TPST1: variants seen among roughly 807,000 people sequenced by gnomAD.
TPST1 encodes tyrosylprotein sulfotransferase 1.
Under a neutral mutation model 34.8 loss-of-function variants are expected in TPST1, and 20 were observed. The observed-to-expected ratio is 0.57, with a 90% CI of 0.40 to 0.84. The LOEUF (loss-of-function observed/expected upper bound fraction) is 0.84, where lower values mean the gene tolerates loss of function less well. Ranked by LOEUF, TPST1 falls within the 40% of genes least tolerant of loss-of-function variation. The probability of loss-of-function intolerance (pLI) is 0.00; values close to 1 mark genes in which losing one functional copy is unlikely to be tolerated. For synonymous variants in TPST1, 152 were observed against 159.4 expected (o/e 0.95, Z 0.35); for missense variants, 353 against 455.5 (o/e 0.78, Z 2.05).
At chr7:66,314,289 C>G (rs969680551) in intron 3 of TPST1, among the ~76,000 whole-genome samples, 1 of 152,218 alleles carries the variant, frequency 6.6e-6, no homozygotes, top group Non-Finnish European at 1.5e-5. Context: ...GATCCCAACA[C>G]TTTGGGAGGC....
intron 1 of TPST1, among the ~76,000 whole-genome samples, chr7:66,236,303 A>G (rs145391579): frequency 3.0e-4 from 46 of 152,248 alleles, no homozygotes; most frequent in African/African-American, 1.1e-3. Flanking sequence ...GTCACCGCAA[A>G]AAGTTCCTTC....
At chr7:66,247,427 A>G (rs1489803098) in intron 2 of TPST1, among the ~76,000 whole-genome samples, 1 of 152,038 alleles carries the variant, frequency 6.6e-6, no homozygotes, top group Non-Finnish European at 1.5e-5. Context: ...AACTCTGAAC[A>G]ACAACAACAA....
chr7:66,250,567 A>C (rs757522656), intron 2 of TPST1, among the ~76,000 whole-genome samples: 7 of 152,020 alleles, frequency 4.6e-5, no homozygotes, highest in Non-Finnish European at 7.4e-5. Flanking sequence ...TGGAAATGGG[A>C]ATGATAATAT....
intron 3 of TPST1, among the ~76,000 whole-genome samples, chr7:66,339,877 G>A (rs149781439): frequency 1.1e-3 from 158 of 142,636 alleles, no homozygotes; most frequent in African/African-American, 3.8e-3. Flanking sequence ...GTGGAAATCC[G>A]AGGGATGCAA....
rs1296461352 is a variant in TPST1, at chr7:66,287,169, A to G, written c.1044+460A>G. Among the ~76,000 whole-genome samples the G allele has an allele frequency of 2.7e-3, 357 of 133,850 alleles. 2 individuals are homozygous for G. The highest frequency in any genetic ancestry group is 9.9e-3 in the African/African-American group (344 of 34,672). The allele number at this position is 133,850 out of a possible 152,430, so 87.8% of individuals were successfully genotyped here. On this transcript the variant is annotated intron_variant, in intron 3 of 5. Transcript: ENST00000304842. ...GGTTTCCAGTTTCATCCATGTCCCT[A>G]CAAAGGATATGAACTCATCATTTTT...
At chr7:66,311,364 C>T (rs762925089) in intron 3 of TPST1, among the ~76,000 whole-genome samples, 7 of 152,132 alleles carry the variant, frequency 4.6e-5, no homozygotes, top group South Asian at 4.1e-4. Context: ...GCCTCAAACT[C>T]CTGAGCTCAA....
At chr7:66,305,283 C>T (rs984929286) in intron 3 of TPST1, among the ~76,000 whole-genome samples, 1 of 152,126 alleles carries the variant, frequency 6.6e-6, no homozygotes, top group Non-Finnish European at 1.5e-5. Flanking sequence ...TGGCAGGTAT[C>T]TGTCATTTCT....
intron 3 of TPST1, among the ~76,000 whole-genome samples, chr7:66,323,045 TGTC>T (rs1791789615): frequency 6.6e-6 from 1 of 152,202 alleles, no homozygotes; most frequent in Non-Finnish European, 1.5e-5. Context: ...ATATGCTTGT[TGTC>T]TATTTATGTA....
intron 2 of TPST1, among the ~76,000 whole-genome samples, chr7:66,263,215 G>A (rs1790523024): frequency 6.6e-6 from 1 of 152,184 alleles, no homozygotes; most frequent in Non-Finnish European, 1.5e-5. Flanking sequence ...AGTTTAGATG[G>A]GAATTAGGGA....
chr7:66,217,880 G>A (rs990648814), intron 1 of TPST1, among the ~76,000 whole-genome samples: 4 of 146,668 alleles, frequency 2.7e-5, no homozygotes, highest in Admixed American at 6.9e-5. Flanking sequence ...CACCGCGCCT[G>A]GCCTTTTTCT....
At position 66,273,116 on chromosome 7, in the gene TPST1, G is replaced by A. The variant is rs1790737226; in HGVS notation, c.846-13395G>A. Among the ~76,000 whole-genome samples the A allele has an allele frequency of 1.3e-5, 2 of 152,240 alleles. 1 individual carries two copies. Among genetic ancestry groups the A allele is most frequent in the South Asian group, 4.1e-4 (2 of 4,824 alleles). On this transcript the variant is annotated intron_variant, in intron 2 of 5. Coordinates refer to ENST00000304842, the MANE Select transcript of TPST1 (RefSeq NM_003596.4). ...ATACAAAGTCAACATTCAAAAATCA[G>A]TAGTGTTTCTATACACTAACAATGA...
In TPST1 at chr7:66,277,384, G is replaced by A. The variant is rs193115032; in HGVS notation, c.846-9127G>A. Among the ~76,000 whole-genome samples, 300 of 152,218 alleles carry A rather than the reference G, an allele frequency of 2.0e-3. 1 individual carries two copies. The highest frequency in any genetic ancestry group is 3.3e-3 in the Non-Finnish European group (222 of 68,016). On this transcript the variant is annotated intron_variant, in intron 2 of 5. Transcript: ENST00000304842. ...ATTCTCAGTTTTCAGATGCGTTGTT[G>A]CTTCTTTTTCTTTCACCACATTAAC...
chr7:66,215,765 CTTTTTCTTTCTTT>C (rs1789388806), intron 1 of TPST1, among the ~76,000 whole-genome samples: 1 of 128,564 alleles, frequency 7.8e-6, no homozygotes, highest in Non-Finnish European at 1.6e-5. Flanking sequence ...CCTGGTTTTT[CTTTTTCTTTCTTT>C]TTTTTTTTTT....
intron 2 of TPST1, among the ~76,000 whole-genome samples, chr7:66,282,836 T>C (rs1309279808): frequency 1.3e-5 from 2 of 152,248 alleles, no homozygotes; most frequent in East Asian, 3.8e-4. Flanking sequence ...TTTAATGATC[T>C]ATCCTTTGGG....
intron 1 of TPST1, among the ~76,000 whole-genome samples, chr7:66,234,896 A>G (rs1461483747): frequency 6.6e-6 from 1 of 151,986 alleles, no homozygotes; most frequent in Non-Finnish European, 1.5e-5. Context: ...GATGGTCTCG[A>G]TCTCCTGACC....
chr7:66,268,016 A>G (rs1790626345), intron 2 of TPST1, among the ~76,000 whole-genome samples: 1 of 151,340 alleles, frequency 6.6e-6, no homozygotes, highest in African/African-American at 2.4e-5. Context: ...GCAGTGGTAC[A>G]GTCTTGGCTC....
intron 2 of TPST1, among the ~76,000 whole-genome samples, chr7:66,267,790 G>A (rs1303742367): frequency 2.0e-5 from 3 of 152,186 alleles, no homozygotes; most frequent in Non-Finnish European, 4.4e-5. Context: ...ATAAGATGGA[G>A]CAGCAGACAA....
rs189917526 is a variant in TPST1, at chr7:66,297,859, A to G, written c.1044+11150A>G. ...AAACTGCTTGTTCCTGTTTTTTTCT[A>G]TCTCCATACATAGCATGCTTATTCA... is the stretch of plus-strand genomic sequence containing the variant. On this transcript the variant is annotated intron_variant, in intron 3 of 5. Coordinates refer to ENST00000304842, the MANE Select transcript of TPST1 (RefSeq NM_003596.4). Among the ~76,000 whole-genome samples, 339 of 152,272 alleles carry G rather than the reference A, an allele frequency of 2.2e-3. 2 individuals carry two copies. The highest frequency in any genetic ancestry group is 7.7e-3 in the African/African-American group (319 of 41,572).
chr7:66,302,345 GATTAA>G (rs1562835110), intron 3 of TPST1, among the ~76,000 whole-genome samples: 1 of 152,144 alleles, frequency 6.6e-6, no homozygotes, highest in African/African-American at 2.4e-5. Context: ...TTGGGTTGAA[GATTAA>G]ATTAATTTAC....
Sources: gnomAD v4.1 joint callset for allele counts (sites outside exome capture counted in the v4.1 genomes callset) on GRCh38, gnomAD v4.1.1 for gene constraint, MANE v1.5 for transcripts, NCBI Gene and HGNC (gene_info 2026-07-23, HGNC 2026-07-21) for gene names.